The following OASL variants were observed in gnomAD, a reference collection of about 807,000 sequenced individuals.
The protein encoded by OASL is 2'-5'-oligoadenylate synthetase like.
A neutral mutation model predicts 35.3 loss-of-function variants in OASL; 28 were observed. The ratio of observed to expected loss-of-function variants is 0.79; its 90% confidence interval spans 0.59 to 1.09. OASL has a LOEUF of 1.09. Among genes scored for constraint, OASL ranks in the 50% least tolerant of loss-of-function variants. OASL has a pLI of 0.00. For synonymous variants in OASL, 252 were observed against 254.6 expected (o/e 0.99, Z 0.10); for missense variants, 620 against 635.2 (o/e 0.98, Z 0.26).
intron 3 of OASL, among the ~76,000 whole-genome samples, chr12:121,029,833 A>G (rs974126775): frequency 4.6e-5 from 7 of 152,172 alleles, no homozygotes; most frequent in African/African-American, 1.7e-4. Context: ...ATTTTCTTCA[A>G]TATTAGTGAA....
rs777046945 is a variant in OASL, at chr12:121,033,666, G to A, written c.276C>T (p.His92=). The A allele has an allele frequency of 5.0e-6, 8 of 1,614,030 alleles. No individual in the cohort carries two copies. In the Admixed American group the frequency reaches 1.2e-4, roughly 24 times the overall value. Reference sequence around the variant, plus strand: ...GATGCTTGGCTGCCTCCTGGAAGCTGTGGAAACAGCTCAGAAACGCCACCA... The same window carrying A: ...GATGCTTGGCTGCCTCCTGGAAGCTATGGAAACAGCTCAGAAACGCCACCA... Residue 92 remains histidine (H), a synonymous_variant, in exon 2 of 6, where the codon CAC becomes CAT. Coordinates refer to ENST00000257570, the Ensembl canonical transcript of OASL.
At position 121,023,996 on chromosome 12, in the gene OASL, G is replaced by A. The variant is rs1246758859; in HGVS notation, c.1041C>T (p.Asn347=). ...CCCAGAGAGGAGCCATTACCTTCAC[G>A]TTCCAGCTGGAGATGGGGTTCTCCC... is the stretch of plus-strand genomic sequence containing the variant. Residue 347 remains asparagine (N), a synonymous_variant, in exon 5 of 6, where the codon AAC becomes AAT. Coordinates refer to ENST00000257570, the Ensembl canonical transcript of OASL. 8 of 1,613,944 alleles carry A rather than the reference G, an allele frequency of 5.0e-6. No individual in the cohort carries two copies. The Admixed American group carries it at 6.7e-5, about 13-fold the overall frequency.
In OASL at chr12:121,031,589, G is replaced by GT. The variant is rs746789943; in HGVS notation, c.509_510insA (p.Glu172Ter). 3.7e-6 allele frequency: 6 copies of GT among 1,613,588 alleles called. No individual in the cohort carries two copies. Among genetic ancestry groups the GT allele is most frequent in the Non-Finnish European group, 4.2e-6 (5 of 1,179,744 alleles). The stretch of plus-strand genomic sequence containing the variant: ...TGATCAGGCTCACATAGACCTCAGG[G>GT]GGTGGCTGGGAGTTGGGAAGAGAAG... On this transcript the variant is annotated frameshift_variant, in exon 3 of 6. Coordinates refer to ENST00000257570, the Ensembl canonical transcript of OASL. LOFTEE classifies it high-confidence loss of function.
In OASL at chr12:121,033,531, GACGAGAGCATCGGGGACTCTCTGCT is replaced by G; in HGVS notation, c.386_410del (p.Glu129AlafsTer39). The G allele has an allele frequency of 6.2e-7, 1 of 1,614,186 alleles. No homozygotes were observed. The highest frequency in any genetic ancestry group is 8.5e-7 in the Non-Finnish European group (1 of 1,180,040). On this transcript the variant is annotated frameshift_variant, in exon 2 of 6. Coordinates refer to ENST00000257570, the Ensembl canonical transcript of OASL. LOFTEE classifies it high-confidence loss of function. Reference sequence around the variant, plus strand: ...CAGTCCCCCTGGTCTGGATGGTGAAGACGAGAGCATCGGGGACTCTCTGCTCCATCCTCAGGTCCTCGAGCCCGAG... The same window carrying G: ...CAGTCCCCCTGGTCTGGATGGTGAAGCCATCCTCAGGTCCTCGAGCCCGAG...
At chr12:121,038,798 A>T (rs774589678) in exon 1 of OASL, 2 of 1,613,954 alleles carry the variant, frequency 1.2e-6, no homozygotes, top group African/African-American at 2.7e-5. Flanking sequence ...GCACCCGCAC[A>T]TCCTGGTCCA....
Position 121,020,767 on chromosome 12 carries a change from C to T in OASL, c.1339G>A (p.Ala447Thr), listed in dbSNP as rs773258108. The stretch of plus-strand genomic sequence containing the variant: ...AAGCTGTTGGGGTTGATGGCATAGG[C>T]GTAGCTCCCACCATCAGGATTCTTC... Residue 447 changes from alanine to threonine, a missense_variant, in exon 6 of 6, where the codon GCC becomes ACC. Physicochemically the swap from Ala to Thr is moderately conservative, Grantham distance 58 (BLOSUM62 0). Transcript: ENST00000257570. 40 of 1,613,962 alleles carry T rather than the reference C, an allele frequency of 2.5e-5. No homozygotes were observed. The East Asian group carries it at 6.7e-4, about 27-fold the overall frequency.
rs1869402892 is a variant in OASL at position 121,024,582 on chromosome 12, C to T, written c.900-445G>A. Among the ~76,000 whole-genome samples the T allele has an allele frequency of 2.0e-5, 3 of 152,038 alleles. No individual in the cohort carries two copies. In the South Asian group the frequency reaches 6.2e-4, roughly 32 times the overall value. On this transcript the variant is annotated intron_variant, in intron 4 of 5. Coordinates refer to ENST00000257570, the Ensembl canonical transcript of OASL. ...GCAGTGAGCCAAGATCATGCCACCA[C>T]CCTCCAGCCTGGGTGACCGAGTGAG...
exon 6 of OASL, chr12:121,020,600 G>T: frequency 6.2e-7 from 1 of 1,608,528 alleles, no homozygotes. Flanking sequence ...TCTTCTTCGA[G>T]AGGATGAGAG....
intron 5 of OASL, among the ~76,000 whole-genome samples, chr12:121,022,083 T>TTC (rs1318909139): frequency 8.2e-6 from 1 of 122,070 alleles, no homozygotes; most frequent in East Asian, 3.2e-4. Context: ...CTAAGTTTTG[T>TTC]TCTTTTTTTT....
At chr12:121,027,801 G>C (rs1025027037) in exon 4 of OASL, 1 of 1,613,780 alleles carries the variant, frequency 6.2e-7, no homozygotes, top group Non-Finnish European at 8.5e-7. Context: ...GGCTCTGGGG[G>C]ACCTGGCTTT....
chr12:121,031,534 G>T (rs1869731686), exon 3 of OASL: 1 of 1,613,892 alleles, frequency 6.2e-7, no homozygotes, highest in Non-Finnish European at 8.5e-7. Flanking sequence ...CTGAAGGATG[G>T]GCAGAAATTT....
chr12:121,028,029 G>A (rs1592935398), intron 3 of OASL, among the ~76,000 whole-genome samples: 1 of 152,174 alleles, frequency 6.6e-6, no homozygotes, highest in Admixed American at 6.5e-5. Context: ...TTCAATATAT[G>A]CTCAACAGAT....
chr12:121,022,466 C>T (rs377180675), intron 5 of OASL, among the ~76,000 whole-genome samples: 115 of 152,310 alleles, frequency 7.6e-4, no homozygotes, highest in African/African-American at 2.4e-3. Flanking sequence ...GGGATCCACC[C>T]GCCTCAGCCC....
At chr12:121,032,844 C>T (rs1869789988) in intron 2 of OASL, among the ~76,000 whole-genome samples, 1 of 152,156 alleles carries the variant, frequency 6.6e-6, no homozygotes, top group South Asian at 2.1e-4. Context: ...TCCTGAGCAC[C>T]CTTTCTGTGG....
intron 5 of OASL, among the ~76,000 whole-genome samples, chr12:121,021,758 C>T (rs1391576279): frequency 6.6e-6 from 1 of 152,128 alleles, no homozygotes; most frequent in Non-Finnish European, 1.5e-5. Context: ...TTGCAGTGAG[C>T]TGAGATCGCA....
At position 121,028,233 on chromosome 12, in the gene OASL, G is replaced by T. The variant is rs147729321; in HGVS notation, c.658-416C>A. 1.1e-4 allele frequency among the ~76,000 whole-genome samples: 16 copies of T among 152,284 alleles called. No individual in the cohort carries two copies. In the East Asian group the frequency reaches 3.1e-3, roughly 29 times the overall value. On this transcript the variant is annotated intron_variant, in intron 3 of 5. Transcript: ENST00000257570. ...GGTGAGATTCTGTAGTGAAGATTGG[G>T]GTTGCCTCTCTAGCAGACATTCTTT... is the stretch of plus-strand genomic sequence containing the variant.
chr12:121,020,216 T>G (rs186708609), exon 6 of OASL: 83 of 213,646 alleles, frequency 3.9e-4, no homozygotes, highest in Admixed American at 1.9e-3. Flanking sequence ...TCACTGCAGC[T>G]TCAGCCTCCT....
chr12:121,036,720 C>G (rs943155994), intron 1 of OASL, among the ~76,000 whole-genome samples: 1 of 152,192 alleles, frequency 6.6e-6, no homozygotes, highest in Admixed American at 6.6e-5. Flanking sequence ...TTATTCCCTC[C>G]ACTTTATTCT....
intron 5 of OASL, among the ~76,000 whole-genome samples, chr12:121,022,603 C>T (rs1869292652): frequency 1.3e-5 from 2 of 152,286 alleles, no homozygotes; most frequent in Admixed American, 1.3e-4. Context: ...GCCAGCGGGT[C>T]CCCCCGTTTA....
Sources: gnomAD v4.1 joint callset for allele counts (sites outside exome capture counted in the v4.1 genomes callset) on GRCh38, gnomAD v4.1.1 for gene constraint, MANE v1.5 for transcripts, NCBI Gene and HGNC (gene_info 2026-07-23, HGNC 2026-07-21) for gene names.